Variants in CMYA5 observed in about 807,000 individuals in gnomAD.
CMYA5 encodes cardiomyopathy-associated protein 5.
A neutral mutation model predicts 318.9 loss-of-function variants in CMYA5; 246 were observed. The ratio of observed to expected loss-of-function variants is 0.77; its 90% CI spans 0.70 to 0.86. The LOEUF (loss-of-function observed/expected upper bound fraction) is 0.86. Among genes scored for constraint, CMYA5 ranks in the 40% least tolerant of loss-of-function variants. The pLI is 0.00. For synonymous variants in CMYA5, 1,641 were observed against 1,729.5 expected, an observed-to-expected ratio of 0.95 and a Z score of 1.27; for missense variants, 4,589 against 4,678.2, an observed-to-expected ratio of 0.98 and a Z score of 0.56.
intron 9 of CMYA5, among the ~76,000 whole-genome samples, chr5:79,785,845 C>T (rs754044369): frequency 1.3e-5 from 2 of 152,136 alleles, no homozygotes; most frequent in Non-Finnish European, 2.9e-5. Flanking sequence ...AAATCCTTTT[C>T]AATTCCTACC....
rs771759035 is a variant in CMYA5 at position 79,737,234 on chromosome 5, A to T, written c.8469A>T (p.Gly2823=). 3 of 1,613,734 alleles carry T rather than the reference A, an allele frequency of 1.9e-6. No individual in the cohort carries two copies. In the East Asian group the frequency reaches 6.7e-5, roughly 36 times the overall value. Residue 2823 remains glycine (G), a synonymous_variant, in exon 2 of 13, where the codon GGA becomes GGT. Transcript: ENST00000446378. ...TAAAACCACAAACTCTTGCTTCAGG[A>T]GCTTCTCCAGAAATTAACGCAGTGA... is the stretch of plus-strand genomic sequence containing the variant. The part of the protein sequence containing the change: ...SPVKPQTLAS[G]ASPEINAVKK...
At position 79,738,196 on chromosome 5, in the gene CMYA5, CAAAG is replaced by C; in HGVS notation, c.9433_9436del (p.Lys3145GlufsTer72). The C allele has an allele frequency of 6.2e-7, 1 of 1,613,854 alleles. No individual in the cohort carries two copies. Among genetic ancestry groups the C allele is most frequent in the African/African-American group, 1.3e-5 (1 of 75,040 alleles). On this transcript the variant is annotated frameshift_variant, in exon 2 of 13. Transcript: ENST00000446378. LOFTEE classifies it high-confidence loss of function. ...GCTGACAGGAATGTTTCAAAGGACA[CAAAG>C]AGAGATGTGGACTCAAAGTCACCGG...
intron 9 of CMYA5, among the ~76,000 whole-genome samples, chr5:79,775,280 C>T (rs1476304735): frequency 6.6e-6 from 1 of 152,162 alleles, no homozygotes; most frequent in Non-Finnish European, 1.5e-5. Context: ...TACAACACCT[C>T]CTAGTTGTAC....
chr5:79,742,048 CTCT>C (rs200715392), intron 2 of CMYA5, among the ~76,000 whole-genome samples: 16,675 of 101,726 alleles, frequency 0.16, 1,215 homozygotes, highest in Non-Finnish European at 0.2. Context: ...CCTCTTTCTC[CTCT>C]TCTTCTTCTT....
chr5:79,707,988 G>C (rs866702467), intron 1 of CMYA5, among the ~76,000 whole-genome samples: 11 of 152,278 alleles, frequency 7.2e-5, no homozygotes, highest in African/African-American at 2.6e-4. Context: ...GCTCCCTTCA[G>C]CCTCTTTCAT....
At chr5:79,762,017 T>G (rs1828662732) in intron 8 of CMYA5, 60 bp downstream of exon 8, 1 of 1,532,510 alleles carries the variant, frequency 6.5e-7, no homozygotes, top group African/African-American at 1.4e-5. Flanking sequence ...CACAGACTCT[T>G]GAGATCAGCC....
At chr5:79,746,402 G>T (rs907514980) in intron 4 of CMYA5, among the ~76,000 whole-genome samples, 1 of 152,156 alleles carries the variant, frequency 6.6e-6, no homozygotes. Flanking sequence ...ATTGTTTTGT[G>T]TGTAATTAAG....
Position 79,735,720 on chromosome 5 carries a change from T to A in CMYA5, c.6955T>A (p.Ser2319Thr), listed in dbSNP as rs760726395. ...SADGENLEIQ[S>T]YSLIGEKLVM... ...TGATGGTGAGAACCTTGAAATTCAA[T>A]CTTATTCACTAATCGGTGAGAAATT... is the stretch of plus-strand genomic sequence containing the variant. Residue 2319 changes from serine (S) to threonine (T), a missense_variant, in exon 2 of 13, where the codon TCT (serine) becomes ACT (threonine). Ser to Thr is a moderately conservative substitution (Grantham distance 58). Transcript: ENST00000446378. 6.3e-7 allele frequency: 1 copy of A among 1,597,916 alleles called. No individual in the cohort carries two copies. The highest frequency in any genetic ancestry group is 1.2e-5 in the South Asian group (1 of 86,828).
intron 1 of CMYA5, among the ~76,000 whole-genome samples, chr5:79,706,015 G>T (rs1827263761): frequency 6.6e-6 from 1 of 152,108 alleles, no homozygotes; most frequent in Admixed American, 6.5e-5. Context: ...GCAGGATCTG[G>T]CCAGCAGCCC....
intron 5 of CMYA5, among the ~76,000 whole-genome samples, chr5:79,751,237 G>A (rs996580365): frequency 1.5e-4 from 23 of 152,094 alleles, no homozygotes; most frequent in Non-Finnish European, 2.1e-4. Flanking sequence ...GCTCTTTATA[G>A]TCAAGCCACA....
chr5:79,790,549 G>A (rs981601385), intron 10 of CMYA5, among the ~76,000 whole-genome samples: 6 of 152,182 alleles, frequency 3.9e-5, no homozygotes, highest in South Asian at 2.1e-4. Flanking sequence ...GATTACAGGC[G>A]TGAGCCACCT....
intron 1 of CMYA5, among the ~76,000 whole-genome samples, chr5:79,694,414 G>T (rs1239498463): frequency 6.6e-6 from 1 of 152,212 alleles, no homozygotes; most frequent in African/African-American, 2.4e-5. Context: ...TATTTCTCTT[G>T]CTGTAGACCA....
rs543943260 is a variant in CMYA5 at position 79,737,278 on chromosome 5, G to T, written c.8513G>T (p.Arg2838Leu). 1.9e-6 allele frequency: 3 copies of T among 1,613,606 alleles called. No homozygotes were observed. The South Asian group carries it at 3.3e-5, about 18-fold the overall frequency. Residue 2838 changes from arginine (R) to leucine (L), a missense_variant, in exon 2 of 13, where the codon CGA becomes CTA. This residue lies in a region of CMYA5 where 2,431 missense variants were observed against 2,495.1 expected (regional missense o/e 0.97). Coordinates refer to ENST00000446378, the MANE Select transcript of CMYA5 (RefSeq NM_153610.5). ...INAVKKKEMP[R>L]SELTPERHTV... ...GCAGTGAAGAAAAAAGAAATGCCAC[G>T]ATCAGAATTGACTCCAGAAAGGCAT...
At chr5:79,707,100 G>GAAAATTT (rs1050759206) in intron 1 of CMYA5, among the ~76,000 whole-genome samples, 2 of 152,042 alleles carry the variant, frequency 1.3e-5, no homozygotes, top group African/African-American at 4.8e-5. Context: ...TCTTGGTGTG[G>GAAAATTT]CTTGTTGGAA....
At chr5:79,754,507 C>T (rs1003225613) in intron 6 of CMYA5, among the ~76,000 whole-genome samples, 5 of 152,052 alleles carry the variant, frequency 3.3e-5, no homozygotes, top group Non-Finnish European at 7.4e-5. Flanking sequence ...AAAACACAGC[C>T]GGTTGGGGTG....
rs186368423 is a variant in CMYA5, at chr5:79,718,510, T to A, written c.150-10405T>A. ...CTTCATGAGAAAGATATCCGACCTA[T>A]TACATTCTTTTGTTTTATATACTTC... On this transcript the variant is annotated intron_variant, in intron 1 of 12. Coordinates refer to ENST00000446378, the MANE Select transcript of CMYA5 (RefSeq NM_153610.5). Among the ~76,000 whole-genome samples, 1,047 of 152,290 alleles carry A rather than the reference T, an allele frequency of 6.9e-3. 9 individuals are homozygous for A. Among genetic ancestry groups the A allele is most frequent in the African/African-American group, 0.023 (963 of 41,564 alleles).
chr5:79,721,495 T>C (rs1341225953), intron 1 of CMYA5, among the ~76,000 whole-genome samples: 2 of 152,192 alleles, frequency 1.3e-5, no homozygotes, highest in Non-Finnish European at 2.9e-5. Context: ...AGAGCTCTAT[T>C]TAAATGGTCA....
chr5:79,698,130 T>G (rs1048191270), intron 1 of CMYA5, among the ~76,000 whole-genome samples: 4 of 152,172 alleles, frequency 2.6e-5, no homozygotes, highest in African/African-American at 9.7e-5. Flanking sequence ...TTTGGGGTCA[T>G]GAACTTTGAA....
At chr5:79,790,075 T>C (rs1829148176) in intron 10 of CMYA5, among the ~76,000 whole-genome samples, 1 of 152,136 alleles carries the variant, frequency 6.6e-6, no homozygotes, top group Non-Finnish European at 1.5e-5. Context: ...CAAGGTTGAG[T>C]GGGCGCAACA....
Sources: allele counts gnomAD v4.1 joint callset (sites outside exome capture counted in the v4.1 genomes callset), GRCh38; gene constraint gnomAD v4.1.1; regional missense constraint gnomAD v4.1.1; transcripts MANE v1.5; gene names NCBI Gene and HGNC (gene_info 2026-07-23, HGNC 2026-07-21).